DYNC1I1: variants seen among roughly 807,000 people sequenced by gnomAD.
DYNC1I1 encodes dynein cytoplasmic 1 intermediate chain 1, also known as cytoplasmic dynein 1 intermediate chain 1.
Under a neutral mutation model 86.6 loss-of-function variants are expected in DYNC1I1, and 43 were observed. The observed-to-expected ratio is 0.50, with a 90% CI of 0.39 to 0.64. DYNC1I1 has a LOEUF of 0.64. Among genes scored for constraint, DYNC1I1 ranks in the 30% least tolerant of loss-of-function variants. The pLI, the probability that DYNC1I1 is intolerant of heterozygous loss-of-function variation, is 0.00. For missense variants in DYNC1I1, 604 were observed against 788.8 expected, an observed-to-expected ratio of 0.77 and a Z score of 2.81; for synonymous variants, 262 against 283.7, an observed-to-expected ratio of 0.92 and a Z score of 0.77.
At chr7:96,040,339 A>C (rs1788999501) in intron 14 of DYNC1I1, among the ~76,000 whole-genome samples, 2 of 152,214 alleles carry the variant, frequency 1.3e-5, no homozygotes, top group Non-Finnish European at 2.9e-5. Flanking sequence ...GGAAGGCACA[A>C]TAATCTAGGA....
At chr7:95,799,543 C>G (rs1367097088) in intron 1 of DYNC1I1, among the ~76,000 whole-genome samples, 1 of 151,910 alleles carries the variant, frequency 6.6e-6, no homozygotes, top group Non-Finnish European at 1.5e-5. Context: ...CTGCTGGGGA[C>G]AGCTTGATAT....
chr7:95,868,583 C>T (rs577761056), intron 5 of DYNC1I1, among the ~76,000 whole-genome samples: 7 of 151,534 alleles, frequency 4.6e-5, no homozygotes, highest in Non-Finnish European at 1.0e-4. Context: ...CCCACAGAGA[C>T]GCATGCACTC....
intron 15 of DYNC1I1, among the ~76,000 whole-genome samples, chr7:96,076,859 C>T (rs1790356298): frequency 6.6e-6 from 1 of 152,094 alleles, no homozygotes; most frequent in Non-Finnish European, 1.5e-5. Flanking sequence ...AAAAATCAGC[C>T]AGTAATAAAT....
intron 16 of DYNC1I1, among the ~76,000 whole-genome samples, chr7:96,083,285 A>G (rs1027114852): frequency 2.6e-5 from 4 of 152,154 alleles, no homozygotes; most frequent in African/African-American, 7.2e-5. Context: ...CTGTGGTTTT[A>G]TAAGTATTTT....
intron 6 of DYNC1I1, among the ~76,000 whole-genome samples, chr7:95,976,439 G>A (rs1459402640): frequency 6.6e-6 from 1 of 152,160 alleles, no homozygotes; most frequent in Non-Finnish European, 1.5e-5. Context: ...ATTTAAGTGT[G>A]CATTTATAAT....
intron 16 of DYNC1I1, among the ~76,000 whole-genome samples, chr7:96,087,567 T>A (rs890675461): frequency 9.9e-5 from 15 of 152,240 alleles, no homozygotes; most frequent in Admixed American, 4.6e-4. Flanking sequence ...TTTCTTTAGC[T>A]GATACCAAAT....
intron 5 of DYNC1I1, among the ~76,000 whole-genome samples, chr7:95,841,975 T>C (rs1789295850): frequency 6.6e-6 from 1 of 152,204 alleles, no homozygotes; most frequent in African/African-American, 2.4e-5. Context: ...CTGGGCCCCA[T>C]TGGCTTCCAG....
At chr7:95,974,903 T>TGCA (rs1338028517) in intron 6 of DYNC1I1, among the ~76,000 whole-genome samples, 2 of 152,144 alleles carry the variant, frequency 1.3e-5, no homozygotes, top group Non-Finnish European at 2.9e-5. Context: ...AATAGAACAT[T>TGCA]GCAGCTGCTT....
chr7:96,099,110 G>T (rs924721575), downstream of DYNC1I1, among the ~76,000 whole-genome samples: 6 of 152,170 alleles, frequency 3.9e-5, no homozygotes, highest in Non-Finnish European at 8.8e-5. Context: ...GGGAAAAAAA[G>T]TTTCACAGAC....
At chr7:96,000,726 C>T (rs960926437) in intron 10 of DYNC1I1, among the ~76,000 whole-genome samples, 7 of 152,158 alleles carry the variant, frequency 4.6e-5, no homozygotes, top group African/African-American at 1.7e-4. Flanking sequence ...TCTTTATCTA[C>T]CCTCCTCTAG....
chr7:96,093,750 G>A (rs1158162683), intron 16 of DYNC1I1, among the ~76,000 whole-genome samples: 1 of 151,822 alleles, frequency 6.6e-6, no homozygotes, highest in Non-Finnish European at 1.5e-5. Flanking sequence ...GAACAATGCT[G>A]GGAAATTTTT....
Position 96,098,117 on chromosome 7 carries a change from G to T in DYNC1I1, c.*524G>T, listed in dbSNP as rs974241088. ...TGTGCTGCATGGAACGTATTTATTTGAAAGCATTAAAATAAATGATCCTAG... is the reference window on the plus strand; with the variant it reads ...TGTGCTGCATGGAACGTATTTATTTTAAAGCATTAAAATAAATGATCCTAG... On this transcript the variant is annotated 3_prime_UTR_variant, in exon 17 of 17. Coordinates refer to ENST00000447467, the MANE Select transcript of DYNC1I1 (RefSeq NM_001135556.2). The T allele has an allele frequency of 1.0e-6, 1 of 986,116 alleles. No homozygotes were observed. The highest frequency in any genetic ancestry group is 1.7e-5 in the African/African-American group (1 of 57,220). 61.1% of individuals were successfully genotyped at this position (986,116 alleles called of 1,614,324 possible). A position where few individuals can be genotyped will look rare whatever the true frequency, so the allele number is the denominator to read the frequency against.
chr7:95,995,829 A>G, intron 9 of DYNC1I1, 119 bp from the exon 10 acceptor site: 1 of 1,396,048 alleles, frequency 7.2e-7, no homozygotes, highest in East Asian at 2.5e-5. Context: ...TAGGTATGCC[A>G]CAACATAACA....
intron 6 of DYNC1I1, among the ~76,000 whole-genome samples, chr7:95,947,751 A>G (rs1268812860): frequency 1.3e-5 from 2 of 152,146 alleles, no homozygotes; most frequent in Admixed American, 1.3e-4. Flanking sequence ...TGCATAAAAT[A>G]ATGGGAGAAA....
At chr7:96,108,687 C>A (rs906736476) in intron 16 of DYNC1I1, among the ~76,000 whole-genome samples, 3 of 151,768 alleles carry the variant, frequency 2.0e-5, no homozygotes, top group Admixed American at 1.3e-4. Flanking sequence ...GATGGTAAAA[C>A]CCCGTCTCTA....
At chr7:95,984,998 C>A in intron 8 of DYNC1I1, 21 bp downstream of exon 8, 1 of 1,601,286 alleles carries the variant, frequency 6.2e-7, no homozygotes, top group South Asian at 1.1e-5. Flanking sequence ...TGTGTGCATT[C>A]TTTAAAAAAT....
intron 1 of DYNC1I1, among the ~76,000 whole-genome samples, chr7:95,774,172 C>G (rs982452711): frequency 5.3e-5 from 8 of 152,182 alleles, no homozygotes; most frequent in Non-Finnish European, 1.2e-4. Flanking sequence ...CTCTTAAAAC[C>G]TCTAGCACCA....
intron 5 of DYNC1I1, among the ~76,000 whole-genome samples, chr7:95,839,241 G>A (rs1211873982): frequency 2.0e-5 from 3 of 152,020 alleles, no homozygotes; most frequent in African/African-American, 7.3e-5. Flanking sequence ...ATGTTGGCCG[G>A]GCTAGTCTCA....
At chr7:95,800,962 C>T (rs986997530) in intron 1 of DYNC1I1, among the ~76,000 whole-genome samples, 3 of 152,218 alleles carry the variant, frequency 2.0e-5, no homozygotes, top group East Asian at 1.9e-4. Flanking sequence ...GGAAATCCTA[C>T]GGAGTTCACT....
Sources: allele counts gnomAD v4.1 joint callset (sites outside exome capture counted in the v4.1 genomes callset), GRCh38; gene constraint gnomAD v4.1.1; transcripts MANE v1.5; gene names NCBI Gene and HGNC (gene_info 2026-07-23, HGNC 2026-07-21).